Variants in PPDPFL observed in about 807,000 individuals in gnomAD.
PPDPFL encodes the protein pancreatic progenitor cell differentiation and proliferation factor-like protein.
In PPDPFL, 12 loss-of-function variants were observed where a neutral mutation model predicts 12.6. The ratio of observed to expected loss-of-function variants is 0.95; its 90% CI spans 0.61 to 1.54. The LOEUF (loss-of-function observed/expected upper bound fraction) is 1.54, where lower values mean the gene tolerates loss of function less well. Ranked by LOEUF, PPDPFL falls within the 40% of genes most tolerant of loss-of-function variation. PPDPFL has a pLI of 0.00. For missense variants in PPDPFL, 114 were observed against 96.0 expected, an observed-to-expected ratio of 1.19 and a Z score of -0.78; for synonymous variants, 24 against 32.7, an observed-to-expected ratio of 0.73 and a Z score of 0.91.
intron 1 of PPDPFL, among the ~76,000 whole-genome samples, chr8:49,061,822 G>C (rs747224027): frequency 6.6e-6 from 1 of 152,224 alleles, no homozygotes; most frequent in Non-Finnish European, 1.5e-5. Flanking sequence ...CTCAGAGTCT[G>C]CTTCTCCAAG....
At chr8:49,070,496 G>T (rs901183300), upstream of PPDPFL, among the ~76,000 whole-genome samples, 12 of 152,162 alleles carry the variant, frequency 7.9e-5, no homozygotes, top group African/African-American at 2.9e-4. Context: ...GACAAGAAGT[G>T]TAATTTTGGA....
rs1808494287 is a variant in PPDPFL, at chr8:49,076,004, T to C, written c.*831T>C. 1 of 152,184 alleles carries C rather than the reference T, an allele frequency of 6.6e-6. No individual in the cohort carries two copies. The highest frequency in any genetic ancestry group is 1.5e-5 in the Non-Finnish European group (1 of 68,040). The allele number at this position is 152,184 out of a possible 1,614,324, so 9.4% of individuals were successfully genotyped here. A position where few individuals can be genotyped will look rare whatever the true frequency, so the allele number is the denominator to read the frequency against. On this transcript the variant is annotated 3_prime_UTR_variant, in exon 5 of 5. Coordinates refer to ENST00000522267, the MANE Select transcript of PPDPFL (RefSeq NM_001256597.2). ...GATTATGGGCGTTTTTCATTCTCTT[T>C]TTAATATATTTTTCCATATCTCCCA...
intron 1 of PPDPFL, among the ~76,000 whole-genome samples, chr8:49,063,535 C>T (rs959916073): frequency 3.3e-5 from 5 of 151,996 alleles, no homozygotes; most frequent in African/African-American, 1.2e-4. Flanking sequence ...GCCTGGGCAA[C>T]ATGATAAAAC....
chr8:49,074,535 C>T, intron 4 of PPDPFL: 1 of 1,536,992 alleles, frequency 6.5e-7, no homozygotes. Context: ...ATCATAGCAC[C>T]CTTTCCAGTT....
chr8:49,074,401 G>A (rs1293016405), intron 4 of PPDPFL, 68 bp downstream of exon 4: 2 of 1,578,354 alleles, frequency 1.3e-6, no homozygotes, highest in African/African-American at 2.7e-5. Context: ...TATGGTATGT[G>A]TTATGCTACT....
rs745704485 is a variant in PPDPFL, at chr8:49,075,211, G to T, written c.*38G>T. On this transcript the variant is annotated 3_prime_UTR_variant, in exon 5 of 5. Coordinates refer to ENST00000522267, the MANE Select transcript of PPDPFL (RefSeq NM_001256597.2). ...GCACTGCCATTTGATGAACATGTTG[G>T]TAACGGTTGCCTGCCTTATGTAGCA... 1 of 1,613,790 alleles carries T rather than the reference G, an allele frequency of 6.2e-7. No individual in the cohort carries two copies. The highest frequency in any genetic ancestry group is 1.7e-5 in the Admixed American group (1 of 60,006).
chr8:49,070,897 C>G (rs1808374330), upstream of PPDPFL, among the ~76,000 whole-genome samples: 1 of 151,984 alleles, frequency 6.6e-6, no homozygotes. Flanking sequence ...TTAAGAGCAC[C>G]TGAAATCTGC....
chr8:49,056,882 G>C (rs549884163), intron 1 of PPDPFL, among the ~76,000 whole-genome samples: 4 of 152,272 alleles, frequency 2.6e-5, no homozygotes, highest in Admixed American at 1.3e-4. Flanking sequence ...GTGACATACA[G>C]TAGCCACTCA....
At chr8:49,060,539 C>T (rs893109500) in intron 1 of PPDPFL, among the ~76,000 whole-genome samples, 2 of 152,136 alleles carry the variant, frequency 1.3e-5, no homozygotes, top group Non-Finnish European at 2.9e-5. Flanking sequence ...TCTCGAACTC[C>T]TGACCTCAGG....
rs1463861140 is a variant in PPDPFL, at chr8:49,075,993, T to C, written c.*820T>C. 1 of 152,196 alleles carries C rather than the reference T, an allele frequency of 6.6e-6. No homozygotes were observed. The highest frequency in any genetic ancestry group is 2.1e-4 in the South Asian group (1 of 4,828). 9.4% of individuals were successfully genotyped at this position (152,196 alleles called of 1,614,324 possible). ...TCTGGAGATGGGATTATGGGCGTTT[T>C]TCATTCTCTTTTTAATATATTTTTC... On this transcript the variant is annotated 3_prime_UTR_variant, in exon 5 of 5. Coordinates refer to ENST00000522267, the MANE Select transcript of PPDPFL (RefSeq NM_001256597.2).
chr8:49,071,691 C>G (rs576137472), upstream of PPDPFL, among the ~76,000 whole-genome samples: 20 of 152,156 alleles, frequency 1.3e-4, no homozygotes, highest in African/African-American at 4.1e-4. Context: ...GCAATCTATC[C>G]GAGAAATTTG....
chr8:49,061,477 CG>C (rs1563298064), intron 1 of PPDPFL, among the ~76,000 whole-genome samples: 1 of 152,170 alleles, frequency 6.6e-6, no homozygotes, highest in Non-Finnish European at 1.5e-5. Flanking sequence ...AATGAACACA[CG>C]GGGCAATTGT....
rs371727789 is a variant in PPDPFL, at chr8:49,075,236, A to G, written c.*63A>G. ...GTAACGGTTGCCTGCCTTATGTAGC[A>G]TGAACAGTTGATTCTGACAATCAAG... On this transcript the variant is annotated 3_prime_UTR_variant, in exon 5 of 5. Transcript: ENST00000522267. The G allele has an allele frequency of 1.2e-5, 20 of 1,613,906 alleles. No homozygotes were observed. In the African/African-American group the frequency reaches 1.5e-4, roughly 12 times the overall value.
chr8:49,075,833 A>G lies in PPDPFL; in HGVS notation c.*660A>G, dbSNP rs1808490343. 1 of 153,390 alleles carries G rather than the reference A, an allele frequency of 6.5e-6. No homozygotes were observed. The highest frequency in any genetic ancestry group is 2.0e-4 in the South Asian group (1 of 4,932). The allele number at this position is 153,390 out of a possible 1,614,324, so 9.5% of individuals were successfully genotyped here. A position where few individuals can be genotyped will look rare whatever the true frequency, so the allele number is the denominator to read the frequency against. The stretch of plus-strand genomic sequence containing the variant: ...TTATGACTTTAAATAATATTTAATA[A>G]CATGGAAAATTATATTATGGCATTA... On this transcript the variant is annotated 3_prime_UTR_variant, in exon 5 of 5. Transcript: ENST00000522267.
At chr8:49,072,123 C>T (rs1585675559), upstream of PPDPFL, among the ~76,000 whole-genome samples, 1 of 152,228 alleles carries the variant, frequency 6.6e-6, no homozygotes, top group Non-Finnish European at 1.5e-5. Context: ...AGGCTGAGTC[C>T]AAAAGAGCAT....
chr8:49,059,998 A>G (rs140970013), intron 1 of PPDPFL, among the ~76,000 whole-genome samples: 5 of 152,330 alleles, frequency 3.3e-5, no homozygotes, highest in African/African-American at 1.2e-4. Flanking sequence ...CTGCACTTCA[A>G]CTGAAAGTTT....
intron 1 of PPDPFL, among the ~76,000 whole-genome samples, chr8:49,066,662 G>C (rs746741543): frequency 6.6e-6 from 1 of 152,144 alleles, no homozygotes. Context: ...GTAATATTAT[G>C]TTGTTTTGGG....
intron 1 of PPDPFL, among the ~76,000 whole-genome samples, chr8:49,065,977 G>T (rs1182731393): frequency 1.3e-5 from 2 of 152,228 alleles, no homozygotes; most frequent in African/African-American, 4.8e-5. Flanking sequence ...GCCCTGAGGT[G>T]GGAAAGCTAT....
At chr8:49,074,670 C>A in intron 4 of PPDPFL, 1 of 1,509,896 alleles carries the variant, frequency 6.6e-7, no homozygotes, top group Middle Eastern at 1.7e-4. Context: ...AAAGAATAAC[C>A]ATTGTCTAGT....
Sources: allele counts gnomAD v4.1 joint callset (sites outside exome capture counted in the v4.1 genomes callset), GRCh38; gene constraint gnomAD v4.1.1; transcripts MANE v1.5; gene names NCBI Gene and HGNC (gene_info 2026-07-23, HGNC 2026-07-21).